Variants in PCDHB10 observed in about 807,000 individuals in gnomAD.
PCDHB10 encodes protocadherin beta-10.
For synonymous variants in PCDHB10, 448 were observed against 449.2 expected (o/e 1.00, Z 0.04); for missense variants, 1,046 against 1,004.7 (o/e 1.04, Z -0.56).
Position 141,193,348 on chromosome 5 carries a change from G to C in PCDHB10, c.796G>C (p.Ala266Pro). The change falls in exon 1 of 1, where the codon GCA (alanine) becomes CCA (proline). Residue 266 changes from alanine (A) to proline (P), a missense_variant. Ala to Pro is a conservative substitution (Grantham distance 27). Coordinates refer to ENST00000239446, the MANE Select transcript of PCDHB10 (RefSeq NM_018930.4). Reference sequence around the variant, plus strand: ...TGGGTTCCTTATTGTTAAGGTATGGGCAGAAGATGTAGACTCTGGAGTCAA... The same window carrying C: ...TGGGTTCCTTATTGTTAAGGTATGGCCAGAAGATGTAGACTCTGGAGTCAA... The part of the protein sequence containing the change: ...PIGFLIVKVW[A>P]EDVDSGVNAE... 6.2e-7 allele frequency: 1 copy of C among 1,614,164 alleles called. No homozygotes were observed. Among genetic ancestry groups the C allele is most frequent in the Non-Finnish European group, 8.5e-7 (1 of 1,180,032 alleles).
rs1753993291 is a variant in PCDHB10 at position 141,194,244 on chromosome 5, GC to G, written c.1693del (p.Leu565CysfsTer22). On this transcript the variant is annotated frameshift_variant, in exon 1 of 1. Coordinates refer to ENST00000239446, the MANE Select transcript of PCDHB10 (RefSeq NM_018930.4). LOFTEE classifies it low-confidence loss of function (END_TRUNC). ...NDNSPFVLYP[L>X]QNGSAPCTEL... Reference sequence around the variant, plus strand: ...ACAACTCGCCCTTCGTGCTGTACCCGCTGCAGAACGGCTCCGCGCCCTGCAC... The same window carrying G: ...ACAACTCGCCCTTCGTGCTGTACCCGTGCAGAACGGCTCCGCGCCCTGCAC... 6.2e-7 allele frequency: 1 copy of G among 1,605,272 alleles called. No individual in the cohort carries two copies. Among genetic ancestry groups the G allele is most frequent in the African/African-American group, 1.3e-5 (1 of 74,724 alleles).
rs369411922 is a variant in PCDHB10 at position 141,193,159 on chromosome 5, G to C, written c.607G>C (p.Glu203Gln). 19 of 1,613,994 alleles carry C rather than the reference G, an allele frequency of 1.2e-5. No individual in the cohort carries two copies. In the African/African-American group the frequency reaches 2.3e-4, roughly 19 times the overall value. The change falls in exon 1 of 1, where the codon GAG (glutamate) becomes CAG (glutamine). Residue 203 changes from glutamate (E) to glutamine (Q), a missense_variant. Glu to Gln is a conservative substitution (Grantham distance 29). Transcript: ENST00000239446. ...ELVLDKALDR[E>Q]EQGELSLTLT... ...AGTGTTGGACAAAGCACTGGATCGG[G>C]AGGAGCAGGGAGAGCTCAGCTTAAC...
Position 141,193,265 on chromosome 5 carries a change from A to AT in PCDHB10, c.714dup (p.Ala239CysfsTer10). On this transcript the variant is annotated frameshift_variant, in exon 1 of 1. Transcript: ENST00000239446. LOFTEE classifies it low-confidence loss of function (END_TRUNC). ...ATCGTTGTCTTGGACGTCAATGACAATGCCCCACAGTTTGCCCAGGCTCTG... is the reference window on the plus strand; with the variant it reads ...ATCGTTGTCTTGGACGTCAATGACAATTGCCCCACAGTTTGCCCAGGCTCTG... 6.2e-7 allele frequency: 1 copy of AT among 1,614,060 alleles called. No individual in the cohort carries two copies. Among genetic ancestry groups the AT allele is most frequent in the Non-Finnish European group, 8.5e-7 (1 of 1,180,026 alleles).
rs782595267 is a variant in PCDHB10, at chr5:141,193,879, G to C, written c.1327G>C (p.Asp443His). Residue 443 changes from aspartate to histidine, a missense_variant, in exon 1 of 1, where the codon GAC becomes CAC. By Grantham distance (81) the Asp-to-His change is moderately conservative. Transcript: ENST00000239446. ...GCACAACATAACGGTCCTGGTCTCC[G>C]ACGTCAATGACAACGCCCCCGCCTT... ...TEHNITVLVSDVNDNAPAFTQ... is the reference protein window; with the variant it reads ...TEHNITVLVSHVNDNAPAFTQ... The C allele has an allele frequency of 5.0e-6, 8 of 1,613,856 alleles. No individual in the cohort carries two copies. In the South Asian group the frequency reaches 8.8e-5, roughly 18 times the overall value.
At position 141,194,002 on chromosome 5, in the gene PCDHB10, G is replaced by C. The variant is rs1753980608; in HGVS notation, c.1450G>C (p.Ala484Pro). The C allele has an allele frequency of 6.2e-7, 1 of 1,609,204 alleles. No homozygotes were observed. The highest frequency in any genetic ancestry group is 1.3e-5 in the African/African-American group (1 of 74,652). The change falls in exon 1 of 1, where the codon GCC becomes CCC. Residue 484 changes from alanine to proline, a missense_variant. Transcript: ENST00000239446. The part of the protein sequence containing the change: ...SATDRDSGTN[A>P]QVTYSLLPPQ... ...CACAGACAGAGACTCGGGCACCAAC[G>C]CCCAGGTCACCTACTCGCTGCTGCC...
chr5:141,194,835 C>T lies in PCDHB10; in HGVS notation c.2283C>T (p.Pro761=), dbSNP rs1364173063. The T allele has an allele frequency of 1.9e-6, 3 of 1,614,024 alleles. No homozygotes were observed. The highest frequency in any genetic ancestry group is 2.7e-5 in the African/African-American group (2 of 74,922). ...YQYEVCLTGG[P]GTSEFKFLKP... ...ATGAGGTGTGTCTGACGGGAGGCCC[C>T]GGGACCAGTGAGTTCAAGTTCTTGA... is the stretch of plus-strand genomic sequence containing the variant. The change falls in exon 1 of 1, where the codon CCC becomes CCT. Residue 761 remains proline, a synonymous_variant. Coordinates refer to ENST00000239446, the MANE Select transcript of PCDHB10 (RefSeq NM_018930.4).
chr5:141,193,852 G>C lies in PCDHB10; in HGVS notation c.1300G>C (p.Glu434Gln), dbSNP rs1554284183. 3.1e-6 allele frequency: 5 copies of C among 1,614,020 alleles called. No individual in the cohort carries two copies. Among genetic ancestry groups the C allele is most frequent in the Non-Finnish European group, 3.4e-6 (4 of 1,180,030 alleles). The change falls in exon 1 of 1, where the codon GAG (glutamate) becomes CAG (glutamine). Residue 434 changes from glutamate (E) to glutamine (Q), a missense_variant. By Grantham distance (29) the Glu-to-Gln change is conservative. Coordinates refer to ENST00000239446, the MANE Select transcript of PCDHB10 (RefSeq NM_018930.4). Reference protein sequence around the residue: ...TDLGTPRLKTEHNITVLVSDV... With the variant: ...TDLGTPRLKTQHNITVLVSDV... ...CTTGGGGACACCCAGGCTGAAAACCGAGCACAACATAACGGTCCTGGTCTC... is the reference window on the plus strand; with the variant it reads ...CTTGGGGACACCCAGGCTGAAAACCCAGCACAACATAACGGTCCTGGTCTC...
At position 141,193,587 on chromosome 5, in the gene PCDHB10, T is replaced by C. The variant is rs1753962400; in HGVS notation, c.1035T>C (p.Pro345=). 13 of 1,614,132 alleles carry C rather than the reference T, an allele frequency of 8.1e-6. No homozygotes were observed. Among genetic ancestry groups the C allele is most frequent in the Non-Finnish European group, 1.0e-5 (12 of 1,180,034 alleles). The change falls in exon 1 of 1, where the codon CCT becomes CCC. Residue 345 remains proline (P), a synonymous_variant. Coordinates refer to ENST00000239446, the MANE Select transcript of PCDHB10 (RefSeq NM_018930.4). ...TATTGGACACCAATGACAATCCCCC[T>C]GAACTGATCGTATCATCATTTTCCA... The part of the protein sequence containing the change: ...VEVLDTNDNP[P]ELIVSSFSNS...
chr5:141,193,054 C>T lies in PCDHB10; in HGVS notation c.502C>T (p.Gln168Ter). Reference protein sequence around the residue: ...QDPDGGLNGIQNYTISPNSFF... With the variant: ...QDPDGGLNGI ...TCCAGATGGAGGACTTAACGGTATC[C>T]AAAACTACACGATCAGCCCCAACTC... The change falls in exon 1 of 1, where the codon CAA becomes TAA. Residue 168 changes from glutamine to a stop codon, truncating the protein, a stop_gained. Coordinates refer to ENST00000239446, the MANE Select transcript of PCDHB10 (RefSeq NM_018930.4). LOFTEE classifies it low-confidence loss of function (END_TRUNC). 6.2e-7 allele frequency: 1 copy of T among 1,614,120 alleles called. No homozygotes were observed. Among genetic ancestry groups the T allele is most frequent in the East Asian group, 2.2e-5 (1 of 44,890 alleles).
rs1754019296 is a variant in PCDHB10, at chr5:141,194,824, ACGGGAGGCCC to A, written c.2278_2287del (p.Gly760ProfsTer7). 1.9e-6 allele frequency: 3 copies of A among 1,613,938 alleles called. No individual in the cohort carries two copies. The highest frequency in any genetic ancestry group is 3.3e-5 in the Admixed American group (2 of 60,002). ...GAGCTACCAGTATGAGGTGTGTCTG[ACGGGAGGCCC>A]CGGGACCAGTGAGTTCAAGTTCTTG... On this transcript the variant is annotated frameshift_variant, in exon 1 of 1. Coordinates refer to ENST00000239446, the MANE Select transcript of PCDHB10 (RefSeq NM_018930.4). LOFTEE classifies it low-confidence loss of function (END_TRUNC).
rs1487600413 is a variant in PCDHB10, at chr5:141,193,642, C to T, written c.1090C>T (p.Pro364Ser). Residue 364 changes from proline (P) to serine (S), a missense_variant, in exon 1 of 1, where the codon CCG becomes TCG. Physicochemically the swap from Pro to Ser is moderately conservative, Grantham distance 74. Coordinates refer to ENST00000239446, the MANE Select transcript of PCDHB10 (RefSeq NM_018930.4). Reference sequence around the variant, plus strand: ...TGTTGCTGAGAATTCTCCTGAGACGCCGCTGGCTGTTTTTAAGATTAATGA... The same window carrying T: ...TGTTGCTGAGAATTCTCCTGAGACGTCGCTGGCTGTTTTTAAGATTAATGA... ...NSVAENSPET[P>S]LAVFKINDRD... 4 of 1,614,110 alleles carry T rather than the reference C, an allele frequency of 2.5e-6. No individual in the cohort carries two copies. The highest frequency in any genetic ancestry group is 2.5e-6 in the Non-Finnish European group (3 of 1,180,026).
chr5:141,194,877 T>A lies in PCDHB10; in HGVS notation c.2325T>A (p.Asp775Glu), dbSNP rs781908790. 2.5e-6 allele frequency: 4 copies of A among 1,613,972 alleles called. No homozygotes were observed. The highest frequency in any genetic ancestry group is 1.3e-5 in the African/African-American group (1 of 74,896). The change falls in exon 1 of 1, where the codon GAT (aspartate) becomes GAA (glutamate). Residue 775 changes from aspartate (D) to glutamate (E), a missense_variant. Coordinates refer to ENST00000239446, the MANE Select transcript of PCDHB10 (RefSeq NM_018930.4). ...AGTTCTTGAAACCAGTTATTTCGGATATTCAGGCACAGGGCCCTGGGAGGA... is the reference window on the plus strand; with the variant it reads ...AGTTCTTGAAACCAGTTATTTCGGAAATTCAGGCACAGGGCCCTGGGAGGA... Reference protein sequence around the residue: ...EFKFLKPVISDIQAQGPGRKG... With the variant: ...EFKFLKPVISEIQAQGPGRKG...
At position 141,194,935 on chromosome 5, in the gene PCDHB10, T is replaced by G; in HGVS notation, c.2383T>G (p.Phe795Val). ...AGAAAATTCCACCTTCCGAAATAGC[T>G]TTGGATTTAATATTCAGTAAAGTCT... ...GEENSTFRNS[F>V]GFNIQ The change falls in exon 1 of 1, where the codon TTT becomes GTT. Residue 795 changes from phenylalanine to valine, a missense_variant. Coordinates refer to ENST00000239446, the MANE Select transcript of PCDHB10 (RefSeq NM_018930.4). 1.2e-6 allele frequency: 2 copies of G among 1,609,290 alleles called. No individual in the cohort carries two copies. The highest frequency in any genetic ancestry group is 1.7e-6 in the Non-Finnish European group (2 of 1,177,000).
chr5:141,194,608 G>A lies in PCDHB10; in HGVS notation c.2056G>A (p.Asp686Asn). ...CCCGGCCCAGGCCCAGGCCGAGGCC[G>A]ACTTGCTCACCGTCTACCTGGTGGT... The part of the protein sequence containing the change: ...AAPAQAQAEA[D>N]LLTVYLVVAL... The change falls in exon 1 of 1, where the codon GAC (aspartate) becomes AAC (asparagine). Residue 686 changes from aspartate to asparagine, a missense_variant. By Grantham distance (23) the Asp-to-Asn change is conservative. Coordinates refer to ENST00000239446, the MANE Select transcript of PCDHB10 (RefSeq NM_018930.4). 2 of 1,529,818 alleles carry A rather than the reference G, an allele frequency of 1.3e-6. No homozygotes were observed. The highest frequency in any genetic ancestry group is 1.8e-6 in the Non-Finnish European group (2 of 1,128,438). 94.8% of individuals were successfully genotyped at this position (1,529,818 alleles called of 1,614,324 possible).
In PCDHB10 at chr5:141,195,506, A is replaced by G. The variant is rs1554284625; in HGVS notation, c.*551A>G. On this transcript the variant is annotated 3_prime_UTR_variant, in exon 1 of 1. Transcript: ENST00000239446. Reference sequence around the variant, plus strand: ...TTTATATACTTATTATTTTATCTTTAAGCATGCTACTTTTACTTGGCCAAT... The same window carrying G: ...TTTATATACTTATTATTTTATCTTTGAGCATGCTACTTTTACTTGGCCAAT... 6.0e-6 allele frequency: 1 copy of G among 166,870 alleles called. No individual in the cohort carries two copies. Among genetic ancestry groups the G allele is most frequent in the African/African-American group, 2.4e-5 (1 of 41,444 alleles). 10.3% of individuals were successfully genotyped at this position (166,870 alleles called of 1,614,324 possible). A position where few individuals can be genotyped will look rare whatever the true frequency, so the allele number is the denominator to read the frequency against.
rs1753937603 is a variant in PCDHB10, at chr5:141,192,904, C to T, written c.352C>T (p.Arg118Trp). 1.2e-6 allele frequency: 2 copies of T among 1,613,936 alleles called. 1 individual carries two copies. The highest frequency in any genetic ancestry group is 2.7e-5 in the African/African-American group (2 of 74,964). The change falls in exon 1 of 1, where the codon CGG becomes TGG. Residue 118 changes from arginine to tryptophan, a missense_variant. Transcript: ENST00000239446. The stretch of plus-strand genomic sequence containing the variant: ...AATGGATGATCCCTTTCAGATTTAC[C>T]GGGCTGAGCTGAGAGTCAGGGATAT... ...ILMDDPFQIYRAELRVRDIND... is the reference protein window; with the variant it reads ...ILMDDPFQIYWAELRVRDIND...
chr5:141,192,821 T>C lies in PCDHB10; in HGVS notation c.269T>C (p.Leu90Pro), dbSNP rs1753935438. 2.5e-6 allele frequency: 4 copies of C among 1,610,742 alleles called. No homozygotes were observed. In the African/African-American group the frequency reaches 4.0e-5, roughly 16 times the overall value. ...HTGNLLTNEK[L>P]DREKLCGPKE... The stretch of plus-strand genomic sequence containing the variant: ...GGGAATTTGCTCACAAATGAGAAAC[T>C]GGACCGAGAGAAGCTGTGTGGCCCT... The change falls in exon 1 of 1, where the codon CTG becomes CCG. Residue 90 changes from leucine to proline, a missense_variant. Coordinates refer to ENST00000239446, the MANE Select transcript of PCDHB10 (RefSeq NM_018930.4).
In PCDHB10 at chr5:141,194,028, G is replaced by C. The variant is rs141172055; in HGVS notation, c.1476G>C (p.Pro492=). The change falls in exon 1 of 1, where the codon CCG becomes CCC. Residue 492 remains proline (P), a synonymous_variant. Coordinates refer to ENST00000239446, the MANE Select transcript of PCDHB10 (RefSeq NM_018930.4). The part of the protein sequence containing the change: ...TNAQVTYSLL[P]PQDPHLPLAS... ...CCCAGGTCACCTACTCGCTGCTGCC[G>C]CCCCAAGACCCGCACCTGCCCCTCG... 1.2e-6 allele frequency: 2 copies of C among 1,608,578 alleles called. No individual in the cohort carries two copies. The highest frequency in any genetic ancestry group is 1.1e-5 in the South Asian group (1 of 90,886).
chr5:141,194,217 C>T lies in PCDHB10; in HGVS notation c.1665C>T (p.Asn555=), dbSNP rs549814048. The change falls in exon 1 of 1, where the codon AAC becomes AAT. Residue 555 remains asparagine (N), a synonymous_variant. Coordinates refer to ENST00000239446, the MANE Select transcript of PCDHB10 (RefSeq NM_018930.4). The part of the protein sequence containing the change: ...ALVRVLVLDA[N]DNSPFVLYPL... ...TGCGCGTGCTGGTGCTGGACGCCAA[C>T]GACAACTCGCCCTTCGTGCTGTACC... The T allele has an allele frequency of 4.4e-6, 7 of 1,603,870 alleles. No individual in the cohort carries two copies. The highest frequency in any genetic ancestry group is 3.3e-5 in the South Asian group (3 of 90,804).
Sources: gnomAD v4.1 joint callset for allele counts on GRCh38, gnomAD v4.1.1 for gene constraint, MANE v1.5 for transcripts, NCBI Gene and HGNC (gene_info 2026-07-23, HGNC 2026-07-21) for gene names.